Variants in FAN1 observed in about 807,000 individuals in gnomAD.
The protein encoded by FAN1 is fanconi-associated nuclease 1.
FAN1 carries 91 observed loss-of-function variants against 104.9 expected under a neutral mutation model. That is an observed-to-expected ratio of 0.87 (90% CI 0.73 to 1.03). The LOEUF (loss-of-function observed/expected upper bound fraction) is 1.03, where lower values mean the gene tolerates loss of function less well. Ranked by LOEUF, FAN1 falls within the 50% of genes least tolerant of loss-of-function variation. FAN1 has a pLI of 0.00. For missense variants in FAN1, 1,263 were observed against 1,239.9 expected (o/e 1.02, Z -0.28); for synonymous variants, 478 against 457.6 (o/e 1.04, Z -0.57).
intron 7 of FAN1, among the ~76,000 whole-genome samples, chr15:30,921,103 C>A (rs935106518): frequency 1.3e-5 from 2 of 152,146 alleles, no homozygotes; most frequent in African/African-American, 4.8e-5. Flanking sequence ...CTGTGCCTGG[C>A]CAACGAGGGC....
chr15:30,942,021 T>C lies in FAN1; in HGVS notation c.*459T>C. 1 of 1,613,990 alleles carries C rather than the reference T, an allele frequency of 6.2e-7. No homozygotes were observed. Among genetic ancestry groups the C allele is most frequent in the Non-Finnish European group, 8.5e-7 (1 of 1,179,878 alleles). On this transcript the variant is annotated 3_prime_UTR_variant, in exon 15 of 15. Transcript: ENST00000362065. ...GGAAGTAATTCTTGGTCACTGATGATTCCATTCTTTAAGGCAGACGGCATT... is the reference window on the plus strand; with the variant it reads ...GGAAGTAATTCTTGGTCACTGATGACTCCATTCTTTAAGGCAGACGGCATT...
chr15:30,931,190 A>G (rs2062701188), intron 13 of FAN1, among the ~76,000 whole-genome samples: 1 of 152,168 alleles, frequency 6.6e-6, no homozygotes. Context: ...ATATACATCT[A>G]CTATGTACCC....
At chr15:30,928,701 T>C (rs1234130073) in intron 11 of FAN1, 45 bp downstream of exon 11, 1 of 1,612,034 alleles carries the variant, frequency 6.2e-7, no homozygotes, top group Non-Finnish European at 8.5e-7. Flanking sequence ...TCTGCACACA[T>C]CCGTGGCTCA....
intron 12 of FAN1, 36 bp from the exon 13 acceptor site, chr15:30,930,507 A>G (rs371216241): frequency 1.3e-6 from 2 of 1,561,764 alleles, no homozygotes; most frequent in African/African-American, 2.8e-5. Context: ...CTCTGTCACG[A>G]GGGAAGTGGC....
Position 30,910,796 on chromosome 15 carries a change from G to T in FAN1, c.1558G>T (p.Gly520Cys), listed in dbSNP as rs1320465048. The T allele has an allele frequency of 6.2e-7, 1 of 1,613,316 alleles. No homozygotes were observed. Among genetic ancestry groups the T allele is most frequent in the Non-Finnish European group, 8.5e-7 (1 of 1,179,696 alleles). ...TTGGGGCAAGAATAAGCCTGGAATT[G>T]GTGCAGTGATTTTAAAAAGGTTTTG... Reference protein sequence around the residue: ...CTWGKNKPGIGAVILKRAKAL... With the variant: ...CTWGKNKPGICAVILKRAKAL... The change falls in exon 4 of 15, where the codon GGT becomes TGT. Residue 520 changes from glycine (G) to cysteine (C), a missense_variant. Transcript: ENST00000362065.
At position 30,925,022 on chromosome 15, in the gene FAN1, C is replaced by G. The variant is rs552845723; in HGVS notation, c.2173-105C>G. ...AAGTGCTGTTTGCTCATTTGCTAATCAGCAAAATTCAATAATAAACAGTGG... is the reference window on the plus strand; with the variant it reads ...AAGTGCTGTTTGCTCATTTGCTAATGAGCAAAATTCAATAATAAACAGTGG... On this transcript the variant is annotated intron_variant, in intron 8 of 14. Transcript: ENST00000362065. The G allele has an allele frequency of 1.7e-4, 201 of 1,216,450 alleles. No homozygotes were observed. In the African/African-American group the frequency reaches 2.6e-3, roughly 16 times the overall value. 75.4% of individuals were successfully genotyped at this position (1,216,450 alleles called of 1,614,324 possible). A position where few individuals can be genotyped will look rare whatever the true frequency, so the allele number is the denominator to read the frequency against.
At chr15:30,941,255 T>C in intron 14 of FAN1, 1 of 1,460,742 alleles carries the variant, frequency 6.8e-7, no homozygotes, top group South Asian at 1.2e-5. Context: ...GAGCCAGACC[T>C]GTAATGACAG....
chr15:30,929,224 A>G lies in FAN1; in HGVS notation c.2614A>G (p.Thr872Ala). The G allele has an allele frequency of 6.2e-7, 1 of 1,612,742 alleles. No homozygotes were observed. The highest frequency in any genetic ancestry group is 8.5e-7 in the Non-Finnish European group (1 of 1,179,522). ...ACQAFPLDLC[T>A]DSFFTSRRPA... Reference sequence around the variant, plus strand: ...ACAGGCATTCCCCCTGGACTTGTGCACAGACAGCTTCTTCACAAGCAGACG... The same window carrying G: ...ACAGGCATTCCCCCTGGACTTGTGCGCAGACAGCTTCTTCACAAGCAGACG... Residue 872 changes from threonine to alanine, a missense_variant, in exon 12 of 15, where the codon ACA becomes GCA. Thr to Ala is a moderately conservative substitution (Grantham distance 58, BLOSUM62 0). Coordinates refer to ENST00000362065, the MANE Select transcript of FAN1 (RefSeq NM_014967.5).
At chr15:30,914,185 T>C in intron 5 of FAN1, 94 bp downstream of exon 5, 1 of 871,768 alleles carries the variant, frequency 1.1e-6, no homozygotes, top group Non-Finnish European at 1.8e-6. Context: ...GTAGAAACAT[T>C]AAGTCCACAG....
intron 14 of FAN1, chr15:30,939,689 G>GA: frequency 1.0e-6 from 1 of 962,736 alleles, no homozygotes; most frequent in Middle Eastern, 5.3e-4. Flanking sequence ...ATTACAGAGG[G>GA]AAAAATGCTC....
At chr15:30,937,082 A>G in intron 13 of FAN1, 37 bp from the exon 14 acceptor site, 1 of 1,580,638 alleles carries the variant, frequency 6.3e-7, no homozygotes, top group Admixed American at 1.8e-5. Context: ...TCATTCAGTA[A>G]GATACTAATA....
At chr15:30,914,143 G>T in intron 5 of FAN1, 52 bp downstream of exon 5, 1 of 1,317,340 alleles carries the variant, frequency 7.6e-7, no homozygotes, top group Non-Finnish European at 1.1e-6. Context: ...TCACAATTTA[G>T]TAAAAGGTTT....
chr15:30,928,484 G>T, intron 10 of FAN1, 69 bp from the exon 11 acceptor site: 1 of 1,576,290 alleles, frequency 6.3e-7, no homozygotes, highest in South Asian at 1.2e-5. Flanking sequence ...TGGTGTTTTG[G>T]AAGAAACAGA....
chr15:30,926,105 A>C (rs1857563178), intron 10 of FAN1, among the ~76,000 whole-genome samples, 166 bp downstream of exon 10: 1 of 152,216 alleles, frequency 6.6e-6, no homozygotes, highest in African/African-American at 2.4e-5. Context: ...ATCAATGATA[A>C]GGAGTAGGTC....
At chr15:30,924,576 A>T (rs2062412187) in intron 8 of FAN1, among the ~76,000 whole-genome samples, 1 of 151,726 alleles carries the variant, frequency 6.6e-6, no homozygotes, top group Non-Finnish European at 1.5e-5. Context: ...TATTTGTCTG[A>T]CTCTGAATCG....
intron 3 of FAN1, 40 bp from the exon 4 acceptor site, chr15:30,910,574 T>G (rs753152185): frequency 7.6e-7 from 1 of 1,310,588 alleles, no homozygotes; most frequent in Admixed American, 2.2e-5. Context: ...AGCTAGAAAA[T>G]AGTAAAATTT....
At position 30,904,813 on chromosome 15, in the gene FAN1, G is replaced by T. The variant is rs1007940466; in HGVS notation, c.150G>T (p.Met50Ile). 6.8e-6 allele frequency: 11 copies of T among 1,613,448 alleles called. No homozygotes were observed. Among genetic ancestry groups the T allele is most frequent in the Admixed American group, 1.7e-5 (1 of 59,986 alleles). Residue 50 changes from methionine to isoleucine, a missense_variant, in exon 2 of 15, where the codon ATG (methionine) becomes ATT (isoleucine). Physicochemically the swap from Met to Ile is conservative, Grantham distance 10. Around this residue, in one of 2 missense-constraint regions of FAN1, gnomAD observed 682 missense variants for 571.1 expected, o/e 1.19. Transcript: ENST00000362065. ...TTGCCTGCCCCGTTTGCAGTAAAAT[G>T]GTGCCTAGATATGACTTAAACCGGC... is the stretch of plus-strand genomic sequence containing the variant. The part of the protein sequence containing the change: ...AKLACPVCSK[M>I]VPRYDLNRHL...
intron 10 of FAN1, chr15:30,927,038 A>G: frequency 1.0e-6 from 1 of 984,676 alleles, no homozygotes; most frequent in Non-Finnish European, 1.2e-6. Context: ...CGAACCAGGC[A>G]CGGTAGCTTA....
At chr15:30,934,555 G>GT (rs1437136926) in intron 13 of FAN1, among the ~76,000 whole-genome samples, 13 of 151,788 alleles carry the variant, frequency 8.6e-5, no homozygotes, top group Admixed American at 7.2e-4. Flanking sequence ...TGTGGTTTTT[G>GT]TATTTTTTAG....
Sources: allele counts gnomAD v4.1 joint callset (sites outside exome capture counted in the v4.1 genomes callset), GRCh38; gene constraint gnomAD v4.1.1; regional missense constraint gnomAD v4.1.1; transcripts MANE v1.5; gene names NCBI Gene and HGNC (gene_info 2026-07-23, HGNC 2026-07-21).